ACACB: variants seen among roughly 807,000 people sequenced by gnomAD.
ACACB encodes the protein acetyl-CoA carboxylase beta.
ACACB carries 209 observed loss-of-function variants against 278.8 expected under a neutral mutation model. That is an observed-to-expected ratio of 0.75 (90% CI 0.67 to 0.84). The LOEUF (loss-of-function observed/expected upper bound fraction) is 0.84. Among genes scored for constraint, ACACB ranks in the 40% least tolerant of loss-of-function variants. ACACB has a pLI of 0.00. For synonymous variants in ACACB, 1,174 were observed against 1,285.6 expected, an observed-to-expected ratio of 0.91 and a Z score of 1.86; for missense variants, 2,850 against 3,269.0, an observed-to-expected ratio of 0.87 and a Z score of 3.13.
intron 15 of ACACB, among the ~76,000 whole-genome samples, chr12:109,192,746 G>T (rs112440961): frequency 0.1 from 15,928 of 151,864 alleles, 1,923 homozygotes; most frequent in African/African-American, 0.29. Flanking sequence ...ACTGCAGCCT[G>T]GACTTCCTGG....
At chr12:109,206,927 A>T in intron 20 of ACACB, 71 bp downstream of exon 20, 1 of 1,533,108 alleles carries the variant, frequency 6.5e-7, no homozygotes, top group Non-Finnish European at 9.0e-7. Context: ...GTGACAGCAG[A>T]GGTCATTATT....
chr12:109,242,407 ACT>A, intron 36 of ACACB, 28 bp from the exon 37 acceptor site: 5 of 1,604,722 alleles, frequency 3.1e-6, no homozygotes, highest in Non-Finnish European at 3.4e-6. Context: ...ATTCTCTCTC[ACT>A]CTCTGTTTTC....
chr12:109,181,974 G>T (rs1593486724), intron 11 of ACACB, among the ~76,000 whole-genome samples: 1 of 150,972 alleles, frequency 6.6e-6, no homozygotes, highest in East Asian at 2.0e-4. Context: ...CTCCTGAGTA[G>T]CTGGGACTAC....
At chr12:109,204,069 T>C (rs2045419044) in intron 19 of ACACB, among the ~76,000 whole-genome samples, 1 of 152,102 alleles carries the variant, frequency 6.6e-6, no homozygotes, top group African/African-American at 2.4e-5. Flanking sequence ...TAGGTGTACA[T>C]GTTTATGGGG....
rs753641748 is a variant in ACACB, at chr12:109,239,857, G to A, written c.4690G>A (p.Glu1564Lys). Reference protein sequence around the residue: ...KEASFEYLQNEGERLLLEAMD... With the variant: ...KEASFEYLQNKGERLLLEAMD... ...AGCCTCCTTCGAATACCTGCAGAAC[G>A]AGGGTGAGCGGCTGCTCCTGGAGGC... Residue 1564 changes from glutamate (E) to lysine (K), a missense_variant, in exon 35 of 53, where the codon GAG becomes AAG. Coordinates refer to ENST00000338432, the MANE Select transcript of ACACB (RefSeq NM_001093.4). 1.6e-5 allele frequency: 26 copies of A among 1,613,886 alleles called. No homozygotes were observed. In the East Asian group the frequency reaches 2.5e-4, roughly 15 times the overall value.
chr12:109,170,341 AG>A (rs112841017), intron 4 of ACACB, among the ~76,000 whole-genome samples: 5 of 152,262 alleles, frequency 3.3e-5, no homozygotes, highest in South Asian at 2.1e-4. Context: ...CTGGGATTAC[AG>A]GTGTCAGCCA....
intron 19 of ACACB, among the ~76,000 whole-genome samples, chr12:109,205,804 G>A (rs2045486669): frequency 6.6e-6 from 1 of 152,040 alleles, no homozygotes; most frequent in East Asian, 1.9e-4. Flanking sequence ...GGGTGGGGAT[G>A]GGTGTGGGTG....
At chr12:109,242,329 C>A in intron 36 of ACACB, 108 bp from the exon 37 acceptor site, 1 of 1,266,214 alleles carries the variant, frequency 7.9e-7, no homozygotes, top group Non-Finnish European at 1.1e-6. Context: ...TGCCATGTGA[C>A]ATGCTTTGCT....
At chr12:109,206,620 C>A in intron 19 of ACACB, 90 bp from the exon 20 acceptor site, 1 of 1,467,928 alleles carries the variant, frequency 6.8e-7, no homozygotes, top group Non-Finnish European at 9.3e-7. Context: ...TTACGGAAGC[C>A]GGCAGATCTG....
chr12:109,115,513 A>G (rs929515874), upstream of ACACB, among the ~76,000 whole-genome samples: 6 of 152,186 alleles, frequency 3.9e-5, no homozygotes, highest in African/African-American at 1.2e-4. Context: ...ACTAAGAGCC[A>G]TCACAAGGGC....
chr12:109,244,388 G>A (rs1481770679), intron 37 of ACACB, among the ~76,000 whole-genome samples: 1 of 152,120 alleles, frequency 6.6e-6, no homozygotes, highest in African/African-American at 2.4e-5. Context: ...TTCCTCTTCT[G>A]TAAAATAAGA....
chr12:109,180,162 A>C, intron 11 of ACACB, 75 bp downstream of exon 11: 1 of 1,475,248 alleles, frequency 6.8e-7, no homozygotes, highest in East Asian at 2.3e-5. Flanking sequence ...CCATTAGTCC[A>C]TCCCGCCCAT....
intron 1 of ACACB, among the ~76,000 whole-genome samples, chr12:109,131,661 G>C (rs1005678544): frequency 6.6e-6 from 1 of 152,158 alleles, no homozygotes; most frequent in Non-Finnish European, 1.5e-5. Flanking sequence ...GCAGTTTCTC[G>C]TGTTCATTGT....
chr12:109,143,963 T>C (rs2043179892), intron 2 of ACACB, among the ~76,000 whole-genome samples: 3 of 151,928 alleles, frequency 2.0e-5, no homozygotes. Flanking sequence ...GCCCAGAAGT[T>C]TGAGAGCAGC....
In ACACB at chr12:109,140,066, G is replaced by A; in HGVS notation, c.653+8G>A. On this transcript the variant is annotated splice_region_variant and intron_variant, in intron 2 of 52. Coordinates refer to ENST00000338432, the MANE Select transcript of ACACB (RefSeq NM_001093.4). ...CCGCGTCCCCACTATGAGGTAATGT[G>A]CATTTTCTCCTTGTAACTGAGGAGT... The A allele has an allele frequency of 6.4e-7, 1 of 1,571,872 alleles. No homozygotes were observed. Among genetic ancestry groups the A allele is most frequent in the Non-Finnish European group, 8.6e-7 (1 of 1,164,828 alleles).
intron 45 of ACACB, among the ~76,000 whole-genome samples, chr12:109,256,856 A>G (rs542238553): frequency 1.0e-3 from 154 of 152,246 alleles, no homozygotes; most frequent in Non-Finnish European, 1.8e-3. Flanking sequence ...AATAGGGATA[A>G]TAATTCTACC....
rs752604541 is a variant in ACACB, at chr12:109,139,986, C to T, written c.581C>T (p.Ala194Val). 1.9e-6 allele frequency: 3 copies of T among 1,613,200 alleles called. No individual in the cohort carries two copies. Among genetic ancestry groups the T allele is most frequent in the Non-Finnish European group, 1.7e-6 (2 of 1,179,976 alleles). Residue 194 changes from alanine to valine, a missense_variant, in exon 2 of 53, where the codon GCC becomes GTC. Around this residue, in one of 3 missense-constraint regions of ACACB, gnomAD observed 2,265 missense variants for 2,561.3 expected, o/e 0.88. Transcript: ENST00000338432. ...SRESTRKGSR[A>V]SLGALSLEAY... ...GAGTCTACCCGGAAGGGCAGCCGGG[C>T]CAGCTTGGGGGCCCTGTCCCTGGAG...
chr12:109,190,288 A>G (rs1051822470), intron 13 of ACACB, among the ~76,000 whole-genome samples: 8 of 152,092 alleles, frequency 5.3e-5, no homozygotes, highest in Admixed American at 5.2e-4. Flanking sequence ...GGATTTCTCC[A>G]TGTTGGTCAG....
intron 1 of ACACB, among the ~76,000 whole-genome samples, chr12:109,117,662 A>C (rs1189978213): frequency 6.6e-6 from 1 of 152,154 alleles, no homozygotes; most frequent in African/African-American, 2.4e-5. Context: ...TATTGTGATT[A>C]CTTTTATTTT....
Sources: gnomAD v4.1 joint callset for allele counts (sites outside exome capture counted in the v4.1 genomes callset) on GRCh38, gnomAD v4.1.1 for gene constraint, gnomAD v4.1.1 regional missense constraint, MANE v1.5 for transcripts, NCBI Gene and HGNC (gene_info 2026-07-23, HGNC 2026-07-21) for gene names.